Variants in VPS41 observed in about 807,000 individuals in gnomAD.
The protein encoded by VPS41 is vacuolar protein sorting-associated protein 41 homolog.
In VPS41, 85 loss-of-function variants were observed where a neutral mutation model predicts 130.9. The observed-to-expected ratio is 0.65, with a 90% CI of 0.55 to 0.78. VPS41 has a LOEUF of 0.78. Ranked by LOEUF, VPS41 falls within the 30% of genes least tolerant of loss-of-function variation. The probability of loss-of-function intolerance (pLI) is 0.00; values close to 1 mark genes in which losing one functional copy is unlikely to be tolerated. For missense variants in VPS41, 874 were observed against 1,018.7 expected, an observed-to-expected ratio of 0.86 and a Z score of 1.93; for synonymous variants, 335 against 332.9, an observed-to-expected ratio of 1.01 and a Z score of -0.07.
intron 14 of VPS41, among the ~76,000 whole-genome samples, chr7:38,768,236 G>A (rs1308006695): frequency 6.6e-6 from 1 of 152,158 alleles, no homozygotes; most frequent in East Asian, 1.9e-4. Flanking sequence ...CCAGAGGCAT[G>A]GGAGGACAGC....
Position 38,725,597 on chromosome 7 carries a change from G to C in VPS41, c.*649C>G, listed in dbSNP as rs1366991720. 6.6e-6 allele frequency: 1 copy of C among 152,248 alleles called. No homozygotes were observed. The highest frequency in any genetic ancestry group is 1.5e-5 in the Non-Finnish European group (1 of 68,068). The allele number at this position is 152,248 out of a possible 1,614,324, so 9.4% of individuals were successfully genotyped here. The stretch of plus-strand genomic sequence containing the variant: ...TTTATTCAATCAACAAATGCTGAGT[G>C]TCCGCCATGGCCAGATACTCTTTGA... On this transcript the variant is annotated 3_prime_UTR_variant, in exon 29 of 29. Coordinates refer to ENST00000310301, the MANE Select transcript of VPS41 (RefSeq NM_014396.4).
intron 5 of VPS41, among the ~76,000 whole-genome samples, chr7:38,823,926 T>C (rs1167409106): frequency 6.6e-6 from 1 of 152,124 alleles, no homozygotes; most frequent in Non-Finnish European, 1.5e-5. Context: ...AAACATCTTA[T>C]AAAATAATGG....
At chr7:38,804,903 G>C (rs1284910966) in intron 7 of VPS41, among the ~76,000 whole-genome samples, 1 of 152,188 alleles carries the variant, frequency 6.6e-6, no homozygotes, top group Admixed American at 6.5e-5. Context: ...AGATTTAATA[G>C]AGCTGGCTGT....
At chr7:38,897,130 G>A (rs1054924727) in intron 2 of VPS41, among the ~76,000 whole-genome samples, 18 of 136,404 alleles carry the variant, frequency 1.3e-4, no homozygotes. Context: ...GGAGATAGAG[G>A]TTATAGTGAG....
chr7:38,830,786 A>G (rs1044765759), intron 4 of VPS41, among the ~76,000 whole-genome samples: 1 of 152,162 alleles, frequency 6.6e-6, no homozygotes, highest in African/African-American at 2.4e-5. Context: ...CACATGAGCG[A>G]CACCCCTGAA....
chr7:38,821,818 C>G (rs1785178688), intron 5 of VPS41, among the ~76,000 whole-genome samples: 1 of 152,118 alleles, frequency 6.6e-6, no homozygotes, highest in Non-Finnish European at 1.5e-5. Flanking sequence ...ATAGAGTTCC[C>G]TTCAATCACC....
At chr7:38,803,558 G>A (rs1185361549) in intron 7 of VPS41, among the ~76,000 whole-genome samples, 2 of 152,166 alleles carry the variant, frequency 1.3e-5, no homozygotes, top group South Asian at 2.1e-4. Context: ...TAGAGAAATA[G>A]AGAATAGTAA....
At chr7:38,843,957 A>G (rs992837381) in intron 4 of VPS41, among the ~76,000 whole-genome samples, 1 of 152,274 alleles carries the variant, frequency 6.6e-6, no homozygotes, top group Non-Finnish European at 1.5e-5. Flanking sequence ...TCCAAAAACA[A>G]CTACTGATTA....
intron 7 of VPS41, among the ~76,000 whole-genome samples, chr7:38,816,310 A>G (rs1262084203): frequency 1.3e-5 from 2 of 152,160 alleles, no homozygotes; most frequent in African/African-American, 2.4e-5. Context: ...TCTTGGCTTT[A>G]TGTTGTGGAA....
At chr7:38,767,448 T>C (rs1238742478) in intron 15 of VPS41, 89 bp downstream of exon 15, 5 of 761,494 alleles carry the variant, frequency 6.6e-6, no homozygotes, top group Non-Finnish European at 1.0e-5. Flanking sequence ...AAAAATAAAA[T>C]GTCAACTGCA....
intron 2 of VPS41, among the ~76,000 whole-genome samples, chr7:38,875,095 A>G (rs962976236): frequency 2.0e-5 from 3 of 152,218 alleles, no homozygotes; most frequent in African/African-American, 7.2e-5. Flanking sequence ...AATTAATACA[A>G]TCAATCAAAA....
intron 2 of VPS41, 27 bp from the exon 3 acceptor site, chr7:38,869,280 A>T: frequency 6.6e-7 from 1 of 1,506,730 alleles, no homozygotes; most frequent in African/African-American, 1.4e-5. Context: ...GAAAAATGAC[A>T]CCCGTCAGAG....
At chr7:38,801,601 T>C (rs116762819) in intron 7 of VPS41, among the ~76,000 whole-genome samples, 1,884 of 152,292 alleles carry the variant, frequency 0.012, 43 homozygotes, top group African/African-American at 0.043. Context: ...CAAATAATTT[T>C]CCCCCAATTT....
chr7:38,877,055 T>C (rs1786507157), intron 2 of VPS41, among the ~76,000 whole-genome samples: 1 of 152,188 alleles, frequency 6.6e-6, no homozygotes, highest in South Asian at 2.1e-4. Flanking sequence ...ATAACCCTCT[T>C]TTCCTCTCTT....
chr7:38,833,946 A>G (rs1785440302), intron 4 of VPS41, among the ~76,000 whole-genome samples: 2 of 152,284 alleles, frequency 1.3e-5, no homozygotes, highest in South Asian at 4.1e-4. Context: ...AACAATTAAC[A>G]AAGCCAGCCT....
At chr7:38,860,922 C>T (rs1054760690) in intron 4 of VPS41, among the ~76,000 whole-genome samples, 3 of 151,828 alleles carry the variant, frequency 2.0e-5, no homozygotes, top group Admixed American at 6.6e-5. Flanking sequence ...AACAAACACA[C>T]AAAAATAGCA....
At chr7:38,850,397 T>A (rs867871316) in intron 4 of VPS41, among the ~76,000 whole-genome samples, 1 of 152,246 alleles carries the variant, frequency 6.6e-6, no homozygotes, top group African/African-American at 2.4e-5. Context: ...GTTTTCCTTA[T>A]GGATCTGTAA....
At chr7:38,898,047 CG>C in intron 2 of VPS41, 43 bp downstream of exon 2, 1 of 1,588,468 alleles carries the variant, frequency 6.3e-7, no homozygotes, top group Non-Finnish European at 8.6e-7. Context: ...AAGAGAACAA[CG>C]TGGTGAGCTA....
chr7:38,853,418 CA>C (rs57368681), intron 4 of VPS41, among the ~76,000 whole-genome samples: 20,383 of 77,570 alleles, frequency 0.26, 1,132 homozygotes, highest in Non-Finnish European at 0.33. Flanking sequence ...GACTCCTTCT[CA>C]AAAAAAAAAA....
Sources: gnomAD v4.1 joint callset for allele counts (sites outside exome capture counted in the v4.1 genomes callset) on GRCh38, gnomAD v4.1.1 for gene constraint, MANE v1.5 for transcripts, NCBI Gene and HGNC (gene_info 2026-07-23, HGNC 2026-07-21) for gene names.